The following HNF1A variants were observed in gnomAD, a reference collection of about 807,000 sequenced individuals.
HNF1A encodes hepatocyte nuclear factor 1-alpha.
Under a neutral mutation model 62.2 loss-of-function variants are expected in HNF1A, and 21 were observed. That is an observed-to-expected ratio of 0.34 (90% confidence interval 0.24 to 0.49). The LOEUF (loss-of-function observed/expected upper bound fraction) is 0.49, where lower values mean the gene tolerates loss of function less well. Among genes scored for constraint, HNF1A ranks in the 20% least tolerant of loss-of-function variants. The pLI, the probability that HNF1A is intolerant of heterozygous loss-of-function variation, is 0.99. For missense variants in HNF1A, 687 were observed against 832.3 expected (o/e 0.83, Z 2.15); for synonymous variants, 374 against 366.8 (o/e 1.02, Z -0.22).
chr12:120,983,434 G>A (rs1280496363), intron 1 of HNF1A, among the ~76,000 whole-genome samples: 2 of 152,152 alleles, frequency 1.3e-5, no homozygotes, highest in African/African-American at 4.8e-5. Context: ...AGCACGCGTG[G>A]CTAGGTCACA....
At chr12:120,992,043 G>A (rs1354931815) in intron 2 of HNF1A, among the ~76,000 whole-genome samples, 1 of 152,158 alleles carries the variant, frequency 6.6e-6, no homozygotes, top group Non-Finnish European at 1.5e-5. Flanking sequence ...GAGATGCAGA[G>A]TCAATATATG....
rs1171474490 is a variant in HNF1A, at chr12:120,996,985, C to T, written c.1309+243C>T. ...GCATAATACATCAATTCTGTGGTACCTCAGAAGGTGAAGGGTCTATGGGCA... is the reference window on the plus strand; with the variant it reads ...GCATAATACATCAATTCTGTGGTACTTCAGAAGGTGAAGGGTCTATGGGCA... On this transcript the variant is annotated intron_variant, in intron 6 of 9. Coordinates refer to ENST00000257555, the MANE Select transcript of HNF1A (RefSeq NM_000545.8). The surrounding 1 kb of genome is among the most constrained non-coding windows in gnomAD (Gnocchi z 4.5). 6.6e-7 allele frequency: 1 copy of T among 1,512,622 alleles called. No individual in the cohort carries two copies. Among genetic ancestry groups the T allele is most frequent in the Non-Finnish European group, 8.9e-7 (1 of 1,117,764 alleles). 93.7% of individuals were successfully genotyped at this position (1,512,622 alleles called of 1,614,324 possible). A position where few individuals can be genotyped will look rare whatever the true frequency, so the allele number is the denominator to read the frequency against.
At position 121,001,598 on chromosome 12, in the gene HNF1A, T is replaced by C. The variant is rs1006763138; in HGVS notation, c.*406T>C. Reference sequence around the variant, plus strand: ...ACACTTCTCAGGACACAGGCCTGTGTAGCTGTGACCTGCTGAGCTCTGAGA... The same window carrying C: ...ACACTTCTCAGGACACAGGCCTGTGCAGCTGTGACCTGCTGAGCTCTGAGA... On this transcript the variant is annotated 3_prime_UTR_variant, in exon 10 of 10. Coordinates refer to ENST00000257555, the MANE Select transcript of HNF1A (RefSeq NM_000545.8). 2.3e-6 allele frequency: 1 copy of C among 440,768 alleles called. No individual in the cohort carries two copies. Among genetic ancestry groups the C allele is most frequent in the Non-Finnish European group, 4.3e-6 (1 of 231,186 alleles). The allele number at this position is 440,768 out of a possible 1,614,324, so 27.3% of individuals were successfully genotyped here.
chr12:120,996,421 T>C lies in HNF1A; in HGVS notation c.1107+8T>C, dbSNP rs759810437. 1.2e-6 allele frequency: 2 copies of C among 1,614,082 alleles called. No individual in the cohort carries two copies. Among genetic ancestry groups the C allele is most frequent in the African/African-American group, 1.3e-5 (1 of 75,008 alleles). ...AGTACAGAAGCCAAGCTGGTGAGTGTCCTTGCTTGTAAGGAAAACCCAACC... is the reference window on the plus strand; with the variant it reads ...AGTACAGAAGCCAAGCTGGTGAGTGCCCTTGCTTGTAAGGAAAACCCAACC... On this transcript the variant is annotated splice_region_variant and intron_variant, in intron 5 of 9. Coordinates refer to ENST00000257555, the MANE Select transcript of HNF1A (RefSeq NM_000545.8). This position sits in a 1 kb window ranked among gnomAD's most constrained non-coding sequence, Gnocchi z 4.5.
chr12:120,988,430 A>ACCCGCCCATCCATCCATCCT (rs1876636269), intron 1 of HNF1A, among the ~76,000 whole-genome samples: 3 of 150,502 alleles, frequency 2.0e-5, no homozygotes, highest in Non-Finnish European at 4.4e-5. Context: ...CCATCCATCC[A>ACCCGCCCATCCATCCATCCT]CCCACCCATC....
At chr12:120,984,362 A>G (rs142229890) in intron 1 of HNF1A, among the ~76,000 whole-genome samples, 8 of 142,242 alleles carry the variant, frequency 5.6e-5, no homozygotes, top group East Asian at 2.1e-4. Flanking sequence ...GAGAGAGAGA[A>G]AGAAACAGAC....
At chr12:121,000,212 T>C (rs1877361382) in intron 9 of HNF1A, among the ~76,000 whole-genome samples, 1 of 152,152 alleles carries the variant, frequency 6.6e-6, no homozygotes, top group African/African-American at 2.4e-5. Flanking sequence ...TGGGTGGGCT[T>C]TGCAGCCTGC....
rs1877312888 is a variant in HNF1A at position 120,999,535 on chromosome 12, C to A, written c.1676C>A (p.Ala559Glu). The A allele has an allele frequency of 1.2e-6, 2 of 1,613,230 alleles. No homozygotes were observed. The highest frequency in any genetic ancestry group is 1.7e-5 in the Admixed American group (1 of 59,980). Residue 559 changes from alanine (A) to glutamate (E), a missense_variant, in exon 9 of 10, where the codon GCA becomes GAA. Ala to Glu is a moderately radical substitution (Grantham distance 107). Coordinates refer to ENST00000257555, the MANE Select transcript of HNF1A (RefSeq NM_000545.8). ...ASSESGLHTPASQATTLHVPS... is the reference protein window; with the variant it reads ...ASSESGLHTPESQATTLHVPS... The stretch of plus-strand genomic sequence containing the variant: ...AGTGAGTCCGGGCTTCACACGCCGG[C>A]ATCTCAGGCCACCACCCTCCACGTC...
In HNF1A at chr12:120,991,084, C is replaced by T. The variant is rs530005959; in HGVS notation, c.526+2052C>T. ...TACTGAAGGACTTTTAGGGATTTTG[C>T]AATCTGCGAATACAACCAACTGCAG... On this transcript the variant is annotated intron_variant, in intron 2 of 9. Transcript: ENST00000257555. Among the ~76,000 whole-genome samples the T allele has an allele frequency of 5.9e-5, 9 of 152,276 alleles. No individual in the cohort carries two copies. In the East Asian group the frequency reaches 1.7e-3, roughly 29 times the overall value.
intron 7 of HNF1A, chr12:120,997,912 A>G: frequency 1.5e-6 from 1 of 671,168 alleles, no homozygotes; most frequent in Admixed American, 2.1e-5. Flanking sequence ...TTGTGCATGC[A>G]TTTGTGTGCA....
At chr12:120,979,386 G>A (rs759997768) in intron 1 of HNF1A, among the ~76,000 whole-genome samples, 1 of 152,234 alleles carries the variant, frequency 6.6e-6, no homozygotes, top group Admixed American at 6.5e-5. Context: ...GAAAAAGCAG[G>A]TGAGTTCACA....
intron 9 of HNF1A, 73 bp from the exon 10 acceptor site, chr12:121,000,992 A>G (rs1877424344): frequency 1.9e-6 from 3 of 1,598,154 alleles, no homozygotes; most frequent in South Asian, 2.2e-5. Flanking sequence ...CATCCTGAGT[A>G]CCCCTAGGGA....
Position 121,001,373 on chromosome 12 carries a change from G to C in HNF1A, c.*181G>C, listed in dbSNP as rs960126133. 83 of 738,112 alleles carry C rather than the reference G, an allele frequency of 1.1e-4. 1 individual carries two copies. The Middle Eastern group carries it at 1.4e-3, about 12-fold the overall frequency. The allele number at this position is 738,112 out of a possible 1,614,324, so 45.7% of individuals were successfully genotyped here. On this transcript the variant is annotated 3_prime_UTR_variant, in exon 10 of 10. Transcript: ENST00000257555. ...GGAGGGCTCTGAGGCGCCCCAACCC[G>C]TGGAGGCTGCTCGGGGTGCACAGGA... is the stretch of plus-strand genomic sequence containing the variant.
intron 1 of HNF1A, among the ~76,000 whole-genome samples, chr12:120,983,977 AAG>A (rs144925246): frequency 2.7e-5 from 4 of 149,202 alleles, no homozygotes; most frequent in African/African-American, 1.0e-4. Context: ...AGAGAGACAG[AAG>A]AGAGAGAGTG....
intron 2 of HNF1A, among the ~76,000 whole-genome samples, chr12:120,990,880 GAT>G (rs1345623776): frequency 6.6e-6 from 1 of 152,094 alleles, no homozygotes. Context: ...AGTAGCAATA[GAT>G]ATGTTATTTT....
At chr12:120,986,972 G>A (rs1186134606) in intron 1 of HNF1A, among the ~76,000 whole-genome samples, 2 of 152,138 alleles carry the variant, frequency 1.3e-5, no homozygotes, top group African/African-American at 2.4e-5. Flanking sequence ...GAGGAGGAGA[G>A]AAAATTTATA....
At chr12:120,990,458 TAGCC>T (rs970876745) in intron 2 of HNF1A, among the ~76,000 whole-genome samples, 1 of 150,016 alleles carries the variant, frequency 6.7e-6, no homozygotes, top group Non-Finnish European at 1.5e-5. Context: ...AAAAAGGAAA[TAGCC>T]AGGCATGGTG....
chr12:120,988,952 ACAAGGGCACTCCCATGAAGACG>A lies in HNF1A; in HGVS notation c.449_470del (p.Lys150ArgfsTer29). On this transcript the variant is annotated frameshift_variant, in exon 2 of 10. Coordinates refer to ENST00000257555, the MANE Select transcript of HNF1A (RefSeq NM_000545.8). LOFTEE classifies it high-confidence loss of function. ...CAGTCCCACCTGTCCCAACACCTCA[ACAAGGGCACTCCCATGAAGACG>A]CAGAAGCGGGCCGCCCTGTACACCT... The A allele has an allele frequency of 6.2e-7, 1 of 1,614,224 alleles. No homozygotes were observed. Among genetic ancestry groups the A allele is most frequent in the African/African-American group, 1.3e-5 (1 of 75,056 alleles).
At position 120,997,610 on chromosome 12, in the gene HNF1A, C is replaced by T. The variant is rs147366495; in HGVS notation, c.1446C>T (p.Ser482=). The T allele has an allele frequency of 1.7e-4, 281 of 1,613,678 alleles. No individual in the cohort carries two copies. In the African/African-American group the frequency reaches 3.3e-3, roughly 19 times the overall value. ...YQQPLMPPVQ[S]HVTQSPFMAT... is the part of the protein sequence containing the mutation. ...AGCCGCTCATGCCACCTGTGCAGAGCCATGTGACCCAGAGCCCCTTCATGG... is the reference window on the plus strand; with the variant it reads ...AGCCGCTCATGCCACCTGTGCAGAGTCATGTGACCCAGAGCCCCTTCATGG... The change falls in exon 7 of 10, where the codon AGC becomes AGT. Residue 482 remains serine, a synonymous_variant. Transcript: ENST00000257555.
Sources: gnomAD v4.1 joint callset for allele counts (sites outside exome capture counted in the v4.1 genomes callset) on GRCh38, gnomAD v4.1.1 for gene constraint, Gnocchi (gnomAD v3.1) non-coding constraint, MANE v1.5 for transcripts, NCBI Gene and HGNC (gene_info 2026-07-23, HGNC 2026-07-21) for gene names.